The following GRID1 variants were observed in gnomAD, a reference collection of about 807,000 sequenced individuals.
GRID1 encodes glutamate receptor ionotropic, delta-1.
GRID1 carries 28 observed loss-of-function variants against 98.0 expected under a neutral mutation model. The ratio of observed to expected loss-of-function variants is 0.29; its 90% CI spans 0.21 to 0.39. The LOEUF (loss-of-function observed/expected upper bound fraction) is 0.39, where lower values mean the gene tolerates loss of function less well. Among genes scored for constraint, GRID1 ranks in the 10% least tolerant of loss-of-function variants. The pLI, the probability that GRID1 is intolerant of heterozygous loss-of-function variation, is 1.00. For missense variants in GRID1, 1,111 were observed against 1,340.5 expected (o/e 0.83, Z 2.67); for synonymous variants, 553 against 538.5 (o/e 1.03, Z -0.37).
At chr10:85,665,207 C>A (rs1185903191) in intron 12 of GRID1, among the ~76,000 whole-genome samples, 1 of 152,034 alleles carries the variant, frequency 6.6e-6, no homozygotes, top group South Asian at 2.1e-4. Flanking sequence ...ACAAGCAAAC[C>A]CCAACAGCCC....
Position 85,724,555 on chromosome 10 carries a change from A to G in GRID1, c.1655T>C (p.Ile552Thr). 6.2e-7 allele frequency: 1 copy of G among 1,613,680 alleles called. No homozygotes were observed. The highest frequency in any genetic ancestry group is 2.2e-5 in the East Asian group (1 of 44,864). The stretch of plus-strand genomic sequence containing the variant: ...TGGAGCAAAGAGGGAGAAGATGCTG[A>G]TTTTCTCCTCGGGCTTCTTAATTAG... ...GILIKKPEEK[I>T]SIFSLFAPFD... Residue 552 changes from isoleucine to threonine, a missense_variant, in exon 11 of 16, where the codon ATC (isoleucine) becomes ACC (threonine). Physicochemically the swap from Ile to Thr is moderately conservative, Grantham distance 89. This residue lies in a region of GRID1 where 762 missense variants were observed against 869.1 expected (regional missense o/e 0.88). Coordinates refer to ENST00000327946, the MANE Select transcript of GRID1 (RefSeq NM_017551.3).
intron 13 of GRID1, among the ~76,000 whole-genome samples, chr10:85,641,745 A>G (rs1279073636): frequency 6.6e-6 from 1 of 152,226 alleles, no homozygotes; most frequent in Admixed American, 6.5e-5. Context: ...AGATTGCTCA[A>G]TAGATTTCAG....
chr10:86,354,559 C>T (rs900271818), intron 2 of GRID1, among the ~76,000 whole-genome samples: 2 of 152,260 alleles, frequency 1.3e-5, no homozygotes, highest in Non-Finnish European at 2.9e-5. Flanking sequence ...AACCCCAAGG[C>T]AGGCCCATTT....
chr10:85,670,393 T>A (rs377407555), intron 12 of GRID1, among the ~76,000 whole-genome samples: 1 of 152,206 alleles, frequency 6.6e-6, no homozygotes, highest in Admixed American at 6.5e-5. Context: ...ATGGGCTTTT[T>A]AAACAAGCCC....
At chr10:85,919,506 C>T (rs1034688108) in intron 4 of GRID1, among the ~76,000 whole-genome samples, 4 of 152,198 alleles carry the variant, frequency 2.6e-5, no homozygotes, top group African/African-American at 4.8e-5. Context: ...CCTGCCTCCC[C>T]CTGTCCCCCA....
chr10:85,671,602 T>G (rs1841086410), intron 12 of GRID1, among the ~76,000 whole-genome samples: 1 of 152,086 alleles, frequency 6.6e-6, no homozygotes, highest in African/African-American at 2.4e-5. Context: ...AATATTGAAA[T>G]TAGGTGATTA....
intron 2 of GRID1, among the ~76,000 whole-genome samples, chr10:86,327,135 C>G (rs959606446): frequency 4.6e-5 from 7 of 152,166 alleles, no homozygotes; most frequent in Non-Finnish European, 8.8e-5. Context: ...CACTCCATCT[C>G]AAAAACAACA....
chr10:85,922,705 C>T (rs573577941), intron 4 of GRID1, among the ~76,000 whole-genome samples: 1 of 152,294 alleles, frequency 6.6e-6, no homozygotes, highest in South Asian at 2.1e-4. Flanking sequence ...AGCGCAACGC[C>T]CCTCCATTTG....
In GRID1 at chr10:85,844,420, TACACACACACACAC is replaced by T. The variant is rs55706189; in HGVS notation, c.1233+10062_1233+10075del. On this transcript the variant is annotated intron_variant, in intron 8 of 15. Transcript: ENST00000327946. ...CAGGAAAATACTGAATACAACTAAATACACACACACACACACACACACACACACACACACACACA... is the reference window on the plus strand; with the variant it reads ...CAGGAAAATACTGAATACAACTAAATACACACACACACACACACACACACA... 3.4e-3 allele frequency among the ~76,000 whole-genome samples: 452 copies of T among 133,846 alleles called. 10 individuals carry two copies. The East Asian group carries it at 0.038, about 11-fold the overall frequency. 87.8% of individuals were successfully genotyped at this position (133,846 alleles called of 152,430 possible).
chr10:86,159,350 CTT>C (rs1391979476), intron 3 of GRID1, among the ~76,000 whole-genome samples: 2 of 152,190 alleles, frequency 1.3e-5, no homozygotes, highest in Admixed American at 6.5e-5. Flanking sequence ...AGCTGAAAAA[CTT>C]CTATTGCCTG....
chr10:85,894,325 T>C (rs942584919), intron 5 of GRID1, among the ~76,000 whole-genome samples: 1 of 152,124 alleles, frequency 6.6e-6, no homozygotes, highest in African/African-American at 2.4e-5. Context: ...TAACCGCCAA[T>C]ATACACAACA....
intron 2 of GRID1, among the ~76,000 whole-genome samples, chr10:86,312,349 G>C: frequency 6.6e-6 from 1 of 152,206 alleles, no homozygotes; most frequent in East Asian, 1.9e-4. Flanking sequence ...CCCTTTCTTT[G>C]CTGGAGCTAA....
chr10:86,215,220 C>A (rs1188811273), intron 2 of GRID1, among the ~76,000 whole-genome samples: 1 of 152,158 alleles, frequency 6.6e-6, no homozygotes, highest in Non-Finnish European at 1.5e-5. Context: ...CAGCCTAGCC[C>A]AGAGAGGCCC....
chr10:86,276,308 C>A (rs1465991426), intron 2 of GRID1, among the ~76,000 whole-genome samples: 1 of 152,114 alleles, frequency 6.6e-6, no homozygotes, highest in East Asian at 1.9e-4. Flanking sequence ...TCTCAGTGAC[C>A]AAATTTTCCC....
chr10:85,979,368 A>G (rs1337489788), intron 4 of GRID1, among the ~76,000 whole-genome samples: 1 of 152,182 alleles, frequency 6.6e-6, no homozygotes, highest in African/African-American at 2.4e-5. Context: ...CCATAATAAA[A>G]TATCACAGAC....
chr10:85,788,103 T>G lies in GRID1; in HGVS notation c.1234-58489A>C, dbSNP rs1023799705. Among the ~76,000 whole-genome samples the G allele has an allele frequency of 5.9e-5, 9 of 152,070 alleles. No homozygotes were observed. In the East Asian group the frequency reaches 1.7e-3, roughly 29 times the overall value. Reference sequence around the variant, plus strand: ...AAAAGAAGTTATTTTGCCTTTTAATTACCCCTTAGCAGAATGTCTGACACA... The same window carrying G: ...AAAAGAAGTTATTTTGCCTTTTAATGACCCCTTAGCAGAATGTCTGACACA... On this transcript the variant is annotated intron_variant, in intron 8 of 15. Transcript: ENST00000327946.
chr10:85,712,995 T>C (rs1841598566), intron 12 of GRID1, among the ~76,000 whole-genome samples: 1 of 151,522 alleles, frequency 6.6e-6, no homozygotes. Flanking sequence ...TAACTTTATA[T>C]CTCAAGGAAC....
intron 2 of GRID1, among the ~76,000 whole-genome samples, chr10:86,287,716 T>C (rs921912881): frequency 2.6e-5 from 4 of 152,032 alleles, no homozygotes; most frequent in African/African-American, 9.7e-5. Flanking sequence ...TGTTCTTTAG[T>C]GAAATTATTA....
intron 4 of GRID1, among the ~76,000 whole-genome samples, chr10:85,988,652 T>C (rs912968486): frequency 7.9e-5 from 12 of 152,086 alleles, no homozygotes; most frequent in Non-Finnish European, 1.5e-4. Flanking sequence ...CGGCTGTGGG[T>C]TTCTGTCCCC....
Sources: gnomAD v4.1 joint callset for allele counts (sites outside exome capture counted in the v4.1 genomes callset) on GRCh38, gnomAD v4.1.1 for gene constraint, gnomAD v4.1.1 regional missense constraint, MANE v1.5 for transcripts, NCBI Gene and HGNC (gene_info 2026-07-23, HGNC 2026-07-21) for gene names.